Variants in SHLD2 observed in about 807,000 individuals in gnomAD.
The protein encoded by SHLD2 is shieldin complex subunit 2, also known as RINN1-REV7-interacting novel NHEJ regulator 2.
In SHLD2, 30 loss-of-function variants were observed where a neutral mutation model predicts 73.2. The ratio of observed to expected loss-of-function variants is 0.41; its 90% CI spans 0.31 to 0.56. The LOEUF (loss-of-function observed/expected upper bound fraction) is 0.56. Among genes scored for constraint, SHLD2 ranks in the 20% least tolerant of loss-of-function variants. The probability of loss-of-function intolerance (pLI) is 0.28; values close to 1 mark genes in which losing one functional copy is unlikely to be tolerated. For missense variants in SHLD2, 745 were observed against 1,055.9 expected (o/e 0.71, Z 4.08); for synonymous variants, 285 against 370.1 (o/e 0.77, Z 2.64).
intron 2 of SHLD2, among the ~76,000 whole-genome samples, chr10:87,110,531 C>T (rs1361880854): frequency 6.7e-6 from 1 of 149,260 alleles, no homozygotes; most frequent in African/African-American, 2.5e-5. Flanking sequence ...CACTTGAACC[C>T]GGGAGGCAGA....
chr10:87,177,353 G>A (rs1029907993), intron 7 of SHLD2, among the ~76,000 whole-genome samples: 3 of 151,126 alleles, frequency 2.0e-5, no homozygotes, highest in Non-Finnish European at 3.0e-5. Flanking sequence ...AGGCCACCAT[G>A]CTGATGATGA....
chr10:87,111,020 T>C (rs1358239517), intron 2 of SHLD2, among the ~76,000 whole-genome samples: 2 of 151,824 alleles, frequency 1.3e-5, no homozygotes, highest in Non-Finnish European at 2.9e-5. Context: ...ATTTTTGTAT[T>C]ATTAGAAGAG....
intron 8 of SHLD2, among the ~76,000 whole-genome samples, chr10:87,186,015 T>C (rs1848598039): frequency 1.3e-5 from 2 of 152,160 alleles, no homozygotes; most frequent in Non-Finnish European, 2.9e-5. Flanking sequence ...GCCCAATTTC[T>C]TCCTATCCCT....
At chr10:87,114,005 A>G (rs77267241) in intron 2 of SHLD2, 1 of 62,346 alleles carries the variant, frequency 1.6e-5, no homozygotes, top group Admixed American at 1.3e-4. Context: ...GACTGTCTTG[A>G]AAAAAAAAAA....
At chr10:87,166,815 T>C (rs1245602704) in intron 4 of SHLD2, among the ~76,000 whole-genome samples, 1 of 152,196 alleles carries the variant, frequency 6.6e-6, no homozygotes, top group Non-Finnish European at 1.5e-5. Context: ...TATCAAGACT[T>C]AGTATGAACC....
intron 2 of SHLD2, among the ~76,000 whole-genome samples, chr10:87,099,757 A>T (rs955007864): frequency 9.2e-5 from 14 of 152,222 alleles, no homozygotes; most frequent in African/African-American, 2.7e-4. Flanking sequence ...CCAGCAGTGA[A>T]TGAAGGTTCC....
intron 4 of SHLD2, 105 bp downstream of exon 4, chr10:87,158,260 A>G (rs1474990232): frequency 1.7e-6 from 2 of 1,156,710 alleles, no homozygotes; most frequent in Non-Finnish European, 2.4e-6. Context: ...TTTTCTAAAC[A>G]GTTGGAGAGT....
At chr10:87,101,399 A>G (rs7095771) in intron 2 of SHLD2, among the ~76,000 whole-genome samples, 1,903 of 152,300 alleles carry the variant, frequency 0.012, 48 homozygotes, top group African/African-American at 0.043. Flanking sequence ...TTTATTACTA[A>G]GTATTCTTTT....
intron 7 of SHLD2, among the ~76,000 whole-genome samples, chr10:87,179,449 C>T (rs1288769580): frequency 1.3e-5 from 2 of 151,568 alleles, no homozygotes; most frequent in Admixed American, 6.6e-5. Context: ...TCGCCCAGGC[C>T]GGAGTGCAGT....
At chr10:87,120,703 A>C (rs1449447381) in intron 2 of SHLD2, among the ~76,000 whole-genome samples, 2 of 152,178 alleles carry the variant, frequency 1.3e-5, no homozygotes, top group African/African-American at 4.8e-5. Flanking sequence ...GCTGTATTGA[A>C]GAGAGAATAT....
chr10:87,142,147 A>T (rs2134235824), intron 2 of SHLD2, among the ~76,000 whole-genome samples: 1 of 152,330 alleles, frequency 6.6e-6, no homozygotes, highest in South Asian at 2.1e-4. Flanking sequence ...TAAAAAATAA[A>T]TTTTTAAAAG....
At chr10:87,118,670 G>C (rs1426224653) in intron 2 of SHLD2, among the ~76,000 whole-genome samples, 1 of 148,552 alleles carries the variant, frequency 6.7e-6, no homozygotes, top group Non-Finnish European at 1.5e-5. Context: ...TGTTGTCCAG[G>C]CCAGTCTCAA....
chr10:87,172,489 C>A (rs912900925), intron 6 of SHLD2, among the ~76,000 whole-genome samples: 1 of 151,746 alleles, frequency 6.6e-6, no homozygotes, highest in Non-Finnish European at 1.5e-5. Context: ...ATATTCACTA[C>A]CAAAAATGTG....
At chr10:87,190,341 G>T (rs1164858754) in intron 9 of SHLD2, 143 bp from the exon 10 acceptor site, 18 of 745,936 alleles carry the variant, frequency 2.4e-5, no homozygotes, top group Non-Finnish European at 4.2e-5. Context: ...TTACAGGTGT[G>T]AGCCACCGCT....
intron 5 of SHLD2, 75 bp downstream of exon 5, chr10:87,170,747 T>G (rs1351842172): frequency 6.6e-7 from 1 of 1,519,528 alleles, no homozygotes; most frequent in Admixed American, 2.2e-5. Context: ...GTGTACCATT[T>G]GGTTATCACT....
Position 87,180,145 on chromosome 10 carries a change from A to G in SHLD2, c.2241A>G (p.Leu747=), listed in dbSNP as rs1275528534. ...FPITASQKIA[L]NAHSSLKSIF... is the part of the protein sequence containing the mutation. The stretch of plus-strand genomic sequence containing the variant: ...TTACAGCATCTCAGAAGATAGCGCT[A>G]AATGCTCACAGTTCTCTGAAGAGTA... Residue 747 remains leucine, a synonymous_variant, in exon 8 of 10, where the codon CTA becomes CTG. Coordinates refer to ENST00000298786, the MANE Select transcript of SHLD2 (RefSeq NM_001330112.2). 3.1e-6 allele frequency: 5 copies of G among 1,613,780 alleles called. No individual in the cohort carries two copies. The highest frequency in any genetic ancestry group is 4.2e-6 in the Non-Finnish European group (5 of 1,179,844).
intron 4 of SHLD2, among the ~76,000 whole-genome samples, chr10:87,161,060 T>C (rs1272083147): frequency 3.3e-5 from 5 of 151,858 alleles, no homozygotes; most frequent in Non-Finnish European, 5.9e-5. Context: ...TTACAAATGC[T>C]CTGATAACAT....
At chr10:87,104,071 A>G (rs1310055455) in intron 2 of SHLD2, among the ~76,000 whole-genome samples, 5 of 150,582 alleles carry the variant, frequency 3.3e-5, no homozygotes, top group Non-Finnish European at 5.9e-5. Context: ...CCGTCTCTAC[A>G]AAAATACAAA....
chr10:87,114,664 G>T (rs2134027838), intron 2 of SHLD2, among the ~76,000 whole-genome samples: 1 of 152,280 alleles, frequency 6.6e-6, no homozygotes, highest in Admixed American at 6.5e-5. Context: ...GGTGGAGGTT[G>T]CAGTGAGCCG....
Sources: gnomAD v4.1 joint callset for allele counts (sites outside exome capture counted in the v4.1 genomes callset) on GRCh38, gnomAD v4.1.1 for gene constraint, MANE v1.5 for transcripts, NCBI Gene and HGNC (gene_info 2026-07-23, HGNC 2026-07-21) for gene names.